PMPCA: variants seen among roughly 807,000 people sequenced by gnomAD.
PMPCA encodes mitochondrial-processing peptidase subunit alpha.
In PMPCA, 47 loss-of-function variants were observed where a neutral mutation model predicts 59.3. The observed-to-expected ratio is 0.79, with a 90% CI of 0.63 to 1.01. The LOEUF (loss-of-function observed/expected upper bound fraction) is 1.01, where lower values mean the gene tolerates loss of function less well. PMPCA is among the 50% of genes least tolerant of loss of function. The pLI is 0.00. For synonymous variants in PMPCA, 338 were observed against 290.3 expected (o/e 1.16, Z -1.67); for missense variants, 726 against 704.5 (o/e 1.03, Z -0.34).
intron 1 of PMPCA, 79 bp downstream of exon 1, chr9:136,410,818 A>G: frequency 1.7e-6 from 2 of 1,200,246 alleles, no homozygotes; most frequent in Non-Finnish European, 1.1e-6. Flanking sequence ...TTCGGTTTCT[A>G]CAGGTGACAT....
intron 5 of PMPCA, among the ~76,000 whole-genome samples, chr9:136,415,840 C>G (rs1427600658): frequency 6.6e-6 from 1 of 152,226 alleles, no homozygotes; most frequent in Non-Finnish European, 1.5e-5. Flanking sequence ...ACAGTGCTGG[C>G]CAGGCTGGTC....
chr9:136,417,354 C>T, intron 7 of PMPCA, 140 bp downstream of exon 7: 1 of 628,350 alleles, frequency 1.6e-6, no homozygotes, highest in Non-Finnish European at 2.7e-6. Context: ...GCTGTAGTCC[C>T]ACAGCAGGGC....
intron 12 of PMPCA, 84 bp downstream of exon 12, chr9:136,422,060 G>T (rs1439749340): frequency 1.1e-5 from 17 of 1,549,546 alleles, no homozygotes; most frequent in Non-Finnish European, 1.5e-5. Flanking sequence ...GCAGGCCGTG[G>T]TGGGCCTGTG....
intron 2 of PMPCA, 56 bp from the exon 3 acceptor site, chr9:136,412,434 A>G (rs1255506044): frequency 1.1e-6 from 1 of 903,196 alleles, no homozygotes; most frequent in African/African-American, 1.7e-5. Flanking sequence ...GTTTCTCTTG[A>G]TTAAATCTTA....
At chr9:136,415,631 T>C (rs1433484071) in intron 5 of PMPCA, among the ~76,000 whole-genome samples, 2 of 152,240 alleles carry the variant, frequency 1.3e-5, no homozygotes, top group African/African-American at 4.8e-5. Flanking sequence ...GACATCTGTC[T>C]GTGCCTCTGT....
At chr9:136,418,486 C>A in intron 8 of PMPCA, 69 bp from the exon 9 acceptor site, 1 of 990,580 alleles carries the variant, frequency 1.0e-6, no homozygotes, top group South Asian at 1.4e-5. Flanking sequence ...TGCCCTCCGT[C>A]CCTGGCGTCT....
rs770779234 is a variant in PMPCA, at chr9:136,412,113, A to G, written c.188A>G (p.Glu63Gly). 1.2e-6 allele frequency: 2 copies of G among 1,613,870 alleles called. No homozygotes were observed. Among genetic ancestry groups the G allele is most frequent in the Admixed American group, 3.3e-5 (2 of 60,026 alleles). Residue 63 changes from glutamate to glycine, a missense_variant, in exon 2 of 13, where the codon GAA becomes GGA. Coordinates refer to ENST00000371717, the MANE Select transcript of PMPCA (RefSeq NM_015160.3). The stretch of plus-strand genomic sequence containing the variant: ...GTTTTTGCTACAGTTGATGGACAGG[A>G]AAAGTTTGAAACCAAAGTAACCACA... Reference protein sequence around the residue: ...KPVFATVDGQEKFETKVTTLD... With the variant: ...KPVFATVDGQGKFETKVTTLD...
chr9:136,412,425 T>C (rs1835157196), intron 2 of PMPCA, 65 bp from the exon 3 acceptor site: 2 of 865,172 alleles, frequency 2.3e-6, no homozygotes, highest in Non-Finnish European at 3.8e-6. Context: ...TCTTAAAATG[T>C]TTCTCTTGAT....
Position 136,418,895 on chromosome 9 carries a change from C to T in PMPCA, c.1177C>T (p.His393Tyr). 3.1e-6 allele frequency: 5 copies of T among 1,613,764 alleles called. No homozygotes were observed. The highest frequency in any genetic ancestry group is 4.2e-6 in the Non-Finnish European group (5 of 1,179,948). The change falls in exon 10 of 13, where the codon CAT becomes TAT. Residue 393 changes from histidine to tyrosine, a missense_variant. Physicochemically the swap from His to Tyr is moderately conservative, Grantham distance 83. Transcript: ENST00000371717. The part of the protein sequence containing the change: ...SYEDTGLLCI[H>Y]ASADPRQVRE... ...CGAGGACACTGGCCTCCTTTGCATC[C>T]ATGCCAGCGCCGACCCAAGACAGGT...
At chr9:136,415,403 G>C (rs554116697) in intron 5 of PMPCA, among the ~76,000 whole-genome samples, 4 of 152,324 alleles carry the variant, frequency 2.6e-5, no homozygotes, top group African/African-American at 9.6e-5. Flanking sequence ...CAAGTGGAAT[G>C]GTGTGTGCCA....
intron 12 of PMPCA, 158 bp downstream of exon 12, chr9:136,422,134 G>A (rs889033434): frequency 5.8e-6 from 9 of 1,543,226 alleles, no homozygotes; most frequent in African/African-American, 2.7e-5. Context: ...GCGGCCAAGG[G>A]CAGGGTCGTG....
intron 4 of PMPCA, chr9:136,413,112 C>T (rs1034539672): frequency 2.0e-4 from 103 of 519,518 alleles, no homozygotes; most frequent in Non-Finnish European, 4.4e-5. Context: ...AGGCTGTTGG[C>T]TGCATGCCAG....
chr9:136,422,938 T>C, intron 12 of PMPCA, 157 bp from the exon 13 acceptor site: 1 of 1,441,056 alleles, frequency 6.9e-7, no homozygotes, highest in Non-Finnish European at 9.1e-7. Context: ...CACCCTTGGC[T>C]ACACCCAGTG....
chr9:136,413,001 C>T (rs1835178094), intron 4 of PMPCA, 109 bp downstream of exon 4: 2 of 739,310 alleles, frequency 2.7e-6, no homozygotes, highest in South Asian at 1.5e-5. Flanking sequence ...TGGAGATTCA[C>T]GGGGAGAAGG....
rs975597720 is a variant in PMPCA, at chr9:136,419,312, G to A, written c.1263+206G>A. 4 of 635,508 alleles carry A rather than the reference G, an allele frequency of 6.3e-6. No homozygotes were observed. In the African/African-American group the frequency reaches 7.3e-5, roughly 12 times the overall value. The allele number at this position is 635,508 out of a possible 1,614,324, so 39.4% of individuals were successfully genotyped here. On this transcript the variant is annotated intron_variant, in intron 11 of 12. Transcript: ENST00000371717. ...AGCCCGCTGAGGCTGTTCTTCCCTG[G>A]TCCAAACCCCGAAAACAGAAAAACA...
intron 11 of PMPCA, 128 bp downstream of exon 11, chr9:136,419,234 C>A: frequency 1.1e-6 from 1 of 904,772 alleles, no homozygotes; most frequent in Non-Finnish European, 1.9e-6. Flanking sequence ...CAGGGCAGGG[C>A]AGGGCAGGGC....
intron 11 of PMPCA, among the ~76,000 whole-genome samples, chr9:136,421,258 C>T (rs149333269): frequency 8.6e-4 from 131 of 152,368 alleles, no homozygotes; most frequent in African/African-American, 3.1e-3. Context: ...CGCTGCATGT[C>T]ACACAGACAA....
At chr9:136,412,601 A>G (rs376481850) in intron 3 of PMPCA, 32 bp downstream of exon 3, 11 of 1,125,938 alleles carry the variant, frequency 9.8e-6, no homozygotes, top group East Asian at 4.7e-5. Flanking sequence ...TTTTTAGACT[A>G]TACTTTTGAA....
At chr9:136,413,616 CCT>C in intron 4 of PMPCA, among the ~76,000 whole-genome samples, 1 of 152,234 alleles carries the variant, frequency 6.6e-6, no homozygotes, top group South Asian at 2.1e-4. Flanking sequence ...CTTAATACCC[CCT>C]GACTCCCAGC....
Sources: gnomAD v4.1 joint callset for allele counts (sites outside exome capture counted in the v4.1 genomes callset) on GRCh38, gnomAD v4.1.1 for gene constraint, MANE v1.5 for transcripts, NCBI Gene and HGNC (gene_info 2026-07-23, HGNC 2026-07-21) for gene names.